Variants in SLC36A1 observed in about 807,000 individuals in gnomAD.
SLC36A1 encodes proton-coupled amino acid transporter 1.
A neutral mutation model predicts 47.5 loss-of-function variants in SLC36A1; 30 were observed. The ratio of observed to expected loss-of-function variants is 0.63; its 90% CI spans 0.47 to 0.86. The LOEUF (loss-of-function observed/expected upper bound fraction) is 0.86. SLC36A1 is among the 40% of genes least tolerant of loss of function. The pLI is 0.00. For synonymous variants in SLC36A1, 255 were observed against 249.7 expected, an observed-to-expected ratio of 1.02 and a Z score of -0.20; for missense variants, 517 against 606.0, an observed-to-expected ratio of 0.85 and a Z score of 1.54.
the SLC36A1 span, chr5:151,381,322 C>A: frequency 5.2e-6 from 1 of 193,470 alleles, no homozygotes; most frequent in Non-Finnish European, 1.1e-5. Flanking sequence ...AGTACTGAAA[C>A]CGCCTTTGTA....
chr5:151,396,322 C>T, the SLC36A1 span, among the ~76,000 whole-genome samples: 63,830 of 151,136 alleles, frequency 0.42, 13,755 homozygotes, highest in African/African-American at 0.52. Flanking sequence ...AGGCTGGTCT[C>T]GAACTCCTGA....
rs1162812092 is a variant in SLC36A1 at position 151,490,785 on chromosome 5, T to TTAGGCATCC, written c.*2539_*2540insCTAGGCATC. The TTAGGCATCC allele has an allele frequency of 2.0e-5, 3 of 152,298 alleles. No homozygotes were observed. The East Asian group carries it at 5.8e-4, about 29-fold the overall frequency. 9.4% of individuals were successfully genotyped at this position (152,298 alleles called of 1,614,324 possible). A position where few individuals can be genotyped will look rare whatever the true frequency, so the allele number is the denominator to read the frequency against. ...TCCTGGCTATGCAGGTGCACAGCTC[T>TTAGGCATCC]TAGGCATCAAGCAAAGGGTCAGCCA... is the stretch of plus-strand genomic sequence containing the variant. On this transcript the variant is annotated 3_prime_UTR_variant, in exon 11 of 11. Transcript: ENST00000243389.
At chr5:151,529,172 C>T in the SLC36A1 span, 2 of 1,613,664 alleles carry the variant, frequency 1.2e-6, no homozygotes, top group Non-Finnish European at 1.7e-6. Flanking sequence ...GGTGGCAGAT[C>T]CTTACCGTGA....
At chr5:151,433,221 CATATATATATATATATATAT>C (rs1370126169), upstream of SLC36A1, among the ~76,000 whole-genome samples, 85 of 17,358 alleles carry the variant, frequency 4.9e-3, 2 homozygotes, top group East Asian at 0.026. Flanking sequence ...TTCTGAATAA[CATATATATATATATATATAT>C]ATATATATAT....
At chr5:151,433,403 C>T (rs1299558319), upstream of SLC36A1, among the ~76,000 whole-genome samples, 1 of 145,262 alleles carries the variant, frequency 6.9e-6, no homozygotes, top group African/African-American at 2.5e-5. Flanking sequence ...CCTGCCTCAG[C>T]CTCCCAAGTA....
chr5:151,347,362 C>T, the SLC36A1 span: 1 of 1,614,238 alleles, frequency 6.2e-7, no homozygotes, highest in South Asian at 1.1e-5. Flanking sequence ...ATGTAGAGTC[C>T]TTGTTCTCCA....
At chr5:151,378,183 G>C in the SLC36A1 span, 1 of 276,276 alleles carries the variant, frequency 3.6e-6, no homozygotes, top group East Asian at 9.9e-5. Context: ...TTTATTTATA[G>C]GTTTTTAATC....
chr5:151,539,743 A>G, the SLC36A1 span, among the ~76,000 whole-genome samples: 3 of 152,244 alleles, frequency 2.0e-5, no homozygotes, highest in African/African-American at 7.2e-5. Context: ...GCAAAGCTCC[A>G]TGACAGCAAT....
the SLC36A1 span, among the ~76,000 whole-genome samples, chr5:151,424,697 A>G: frequency 6.6e-6 from 1 of 151,014 alleles, no homozygotes; most frequent in African/African-American, 2.5e-5. Flanking sequence ...AATAATAATA[A>G]TAATAGAAAC....
upstream of SLC36A1, among the ~76,000 whole-genome samples, chr5:151,443,407 T>G (rs1160856678): frequency 6.6e-6 from 1 of 152,194 alleles, no homozygotes; most frequent in Non-Finnish European, 1.5e-5. Flanking sequence ...GGTTTGCATC[T>G]CCCTGATGAT....
At chr5:151,346,962 C>T in the SLC36A1 span, among the ~76,000 whole-genome samples, 1 of 152,208 alleles carries the variant, frequency 6.6e-6, no homozygotes, top group Non-Finnish European at 1.5e-5. Flanking sequence ...TATCCCCAAT[C>T]TTAACATCGC....
chr5:151,435,275 A>C (rs1393980030), upstream of SLC36A1, among the ~76,000 whole-genome samples: 1 of 152,200 alleles, frequency 6.6e-6, no homozygotes, highest in East Asian at 1.9e-4. Flanking sequence ...ACAGCAGTGG[A>C]AGCCACAAGG....
the SLC36A1 span, among the ~76,000 whole-genome samples, chr5:151,379,858 A>C: frequency 6.6e-6 from 1 of 152,204 alleles, no homozygotes. Context: ...TCAAGCGCTC[A>C]ATGTGGCTAG....
At chr5:151,427,426 G>A in the SLC36A1 span, among the ~76,000 whole-genome samples, 7 of 152,186 alleles carry the variant, frequency 4.6e-5, no homozygotes, top group African/African-American at 1.7e-4. Flanking sequence ...GGGACTATTT[G>A]CACCTGTTCT....
At chr5:151,525,771 G>A in the SLC36A1 span, 53 of 1,614,122 alleles carry the variant, frequency 3.3e-5, 1 homozygote, top group South Asian at 5.5e-4. Context: ...CTCTCACCTG[G>A]ATCTGAAGCT....
At chr5:151,396,547 C>T in the SLC36A1 span, among the ~76,000 whole-genome samples, 1 of 151,648 alleles carries the variant, frequency 6.6e-6, no homozygotes, top group Admixed American at 6.6e-5. Flanking sequence ...TTACAGTAGC[C>T]AAATATTAAT....
chr5:151,389,226 C>T, the SLC36A1 span, among the ~76,000 whole-genome samples: 1 of 152,200 alleles, frequency 6.6e-6, no homozygotes, highest in South Asian at 2.1e-4. Context: ...CAGAGAATGT[C>T]TGAAGCATGC....
chr5:151,555,068 G>C, the SLC36A1 span, among the ~76,000 whole-genome samples: 325 of 152,284 alleles, frequency 2.1e-3, 2 homozygotes, highest in Non-Finnish European at 3.9e-3. Flanking sequence ...GGAATGAGTG[G>C]TACTTTTTGA....
At chr5:151,500,166 T>C in the SLC36A1 span, among the ~76,000 whole-genome samples, 1 of 152,162 alleles carries the variant, frequency 6.6e-6, no homozygotes, top group African/African-American at 2.4e-5. Context: ...CCCCTGTATT[T>C]GTAATTTATT....
Sources: gnomAD v4.1 joint callset for allele counts (sites outside exome capture counted in the v4.1 genomes callset) on GRCh38, gnomAD v4.1.1 for gene constraint, MANE v1.5 for transcripts, NCBI Gene and HGNC (gene_info 2026-07-23, HGNC 2026-07-21) for gene names.